The following ADARB2 variants were observed in gnomAD, a reference collection of about 807,000 sequenced individuals.
ADARB2 encodes the protein inactive double-stranded RNA-specific editase B2.
Under a neutral mutation model 62.2 loss-of-function variants are expected in ADARB2, and 25 were observed. The ratio of observed to expected loss-of-function variants is 0.40; its 90% CI spans 0.29 to 0.56. The LOEUF (loss-of-function observed/expected upper bound fraction) is 0.56. ADARB2 is among the 20% of genes least tolerant of loss of function. The pLI is 0.43. For synonymous variants in ADARB2, 572 were observed against 500.8 expected (o/e 1.14, Z -1.90); for missense variants, 1,071 against 1,077.4 (o/e 0.99, Z 0.08).
At chr10:1,358,959 G>T (rs146864933) in intron 3 of ADARB2, among the ~76,000 whole-genome samples, 71 of 152,304 alleles carry the variant, frequency 4.7e-4, no homozygotes, top group African/African-American at 1.5e-3. Context: ...AGTTTTCACA[G>T]AAAGAAAATG....
intron 3 of ADARB2, among the ~76,000 whole-genome samples, chr10:1,287,650 G>C (rs535501765): frequency 6.6e-6 from 1 of 152,334 alleles, no homozygotes; most frequent in South Asian, 2.1e-4. Context: ...TATATCAGCT[G>C]TTCCATTTAG....
In ADARB2 at chr10:1,256,975, C is replaced by T. The variant is rs183821792; in HGVS notation, c.1192+13980G>A. ...CCAGAAATAATGAGAGCATGAAGCC[C>T]GCGCTCATAAATAATTCATGGACTA... On this transcript the variant is annotated intron_variant, in intron 4 of 9. Transcript: ENST00000381312. Among the ~76,000 whole-genome samples the T allele has an allele frequency of 2.4e-3, 361 of 152,260 alleles. 1 individual carries two copies. The highest frequency in any genetic ancestry group is 0.01 in the Middle Eastern group (3 of 294).
intron 9 of ADARB2, 39 bp downstream of exon 9, chr10:1,184,822 G>C (rs1836728518): frequency 6.3e-7 from 1 of 1,594,288 alleles, no homozygotes; most frequent in Non-Finnish European, 8.6e-7. Context: ...CCAGGGTCTG[G>C]CTGGGTCCAG....
intron 1 of ADARB2, among the ~76,000 whole-genome samples, chr10:1,613,056 G>A (rs368306876): frequency 2.6e-5 from 4 of 152,194 alleles, no homozygotes; most frequent in Admixed American, 2.0e-4. Context: ...TCTAGTGGGC[G>A]TAACAGAGCT....
intron 1 of ADARB2, among the ~76,000 whole-genome samples, chr10:1,519,277 A>G (rs564337675): frequency 8.7e-5 from 13 of 148,992 alleles, no homozygotes; most frequent in Non-Finnish European, 1.8e-4. Flanking sequence ...GTGGTCATAC[A>G]CATGCATTCC....
intron 1 of ADARB2, among the ~76,000 whole-genome samples, chr10:1,591,677 ACG>A (rs887938534): frequency 4.0e-5 from 6 of 150,646 alleles, no homozygotes; most frequent in South Asian, 2.1e-4. Context: ...ACACACACAC[ACG>A]CACACACTCA....
At chr10:1,557,060 T>C (rs573135102) in intron 1 of ADARB2, 86 of 356,454 alleles carry the variant, frequency 2.4e-4, no homozygotes, top group African/African-American at 1.8e-3. Flanking sequence ...CTTGGAAACC[T>C]CAGTTTAAGC....
intron 5 of ADARB2, among the ~76,000 whole-genome samples, chr10:1,241,593 C>A (rs1025170856): frequency 6.6e-6 from 1 of 152,216 alleles, no homozygotes; most frequent in Non-Finnish European, 1.5e-5. Flanking sequence ...TAAAGTGTCT[C>A]AGGGACAGGA....
At chr10:1,623,548 G>A (rs1400307608) in intron 1 of ADARB2, among the ~76,000 whole-genome samples, 13 of 152,146 alleles carry the variant, frequency 8.5e-5, no homozygotes, top group African/African-American at 2.4e-4. Context: ...CATTGTCAGC[G>A]CCTACACCCG....
intron 3 of ADARB2, among the ~76,000 whole-genome samples, chr10:1,342,184 A>G (rs1191024052): frequency 1.3e-5 from 2 of 152,240 alleles, no homozygotes; most frequent in Non-Finnish European, 2.9e-5. Context: ...AGTCAAATCC[A>G]GCTTTTCATG....
intron 1 of ADARB2, among the ~76,000 whole-genome samples, chr10:1,688,776 T>TGAC (rs1303688451): frequency 6.6e-6 from 1 of 152,258 alleles, no homozygotes; most frequent in Non-Finnish European, 1.5e-5. Context: ...GACTCAACCC[T>TGAC]GACCCTGTCT....
At chr10:1,316,839 A>AT (rs932121317) in intron 3 of ADARB2, among the ~76,000 whole-genome samples, 3 of 152,174 alleles carry the variant, frequency 2.0e-5, no homozygotes, top group African/African-American at 7.2e-5. Context: ...AAAATGATAG[A>AT]TTTTCCCATT....
At chr10:1,500,151 C>T (rs925413204) in intron 1 of ADARB2, among the ~76,000 whole-genome samples, 4 of 152,202 alleles carry the variant, frequency 2.6e-5, no homozygotes, top group Non-Finnish European at 5.9e-5. Flanking sequence ...GGCCTGGGTC[C>T]CTGCTTCTGA....
intron 1 of ADARB2, among the ~76,000 whole-genome samples, chr10:1,418,411 C>T (rs1052652080): frequency 4.6e-5 from 7 of 152,172 alleles, no homozygotes; most frequent in Non-Finnish European, 8.8e-5. Flanking sequence ...GATCCCCTGC[C>T]GAGACGCCAC....
chr10:1,580,871 G>C (rs535291957), intron 1 of ADARB2, among the ~76,000 whole-genome samples: 1 of 152,334 alleles, frequency 6.6e-6, no homozygotes, highest in South Asian at 2.1e-4. Flanking sequence ...GTAGCAACGT[G>C]CACTTAAGAT....
At chr10:1,337,949 A>C (rs1484757587) in intron 3 of ADARB2, among the ~76,000 whole-genome samples, 1 of 152,194 alleles carries the variant, frequency 6.6e-6, no homozygotes, top group Non-Finnish European at 1.5e-5. Flanking sequence ...TGCTCTGCTG[A>C]AGTTGTGTTG....
Position 1,326,858 on chromosome 10 carries a change from TGCCCAGCGCCTCCCCACG to T in ADARB2, c.1077+36152_1077+36169del, listed in dbSNP as rs1564257908. 5.5e-3 allele frequency among the ~76,000 whole-genome samples: 64 copies of T among 11,720 alleles called. 3 individuals carry two copies. The highest frequency in any genetic ancestry group is 0.018 in the African/African-American group (59 of 3,324). The allele number at this position is 11,720 out of a possible 152,430, so 7.7% of individuals were successfully genotyped here. On this transcript the variant is annotated intron_variant, in intron 3 of 9. Coordinates refer to ENST00000381312, the MANE Select transcript of ADARB2 (RefSeq NM_018702.4). ...TCCCCACGGCCCAGCGCCTCCCCAC[TGCCCAGCGCCTCCCCACG>T]GCACAGCGCCTCCCCACTGCCCAGC...
chr10:1,651,723 C>T (rs1834113020), intron 1 of ADARB2, among the ~76,000 whole-genome samples: 1 of 152,060 alleles, frequency 6.6e-6, no homozygotes, highest in African/African-American at 2.4e-5. Flanking sequence ...GGCCTTACTG[C>T]CTGAGCGTGG....
chr10:1,582,045 G>C (rs145905104), intron 1 of ADARB2, among the ~76,000 whole-genome samples: 1 of 152,302 alleles, frequency 6.6e-6, no homozygotes, highest in East Asian at 1.9e-4. Context: ...CTTGAGGTCC[G>C]AGCAGACCTT....
Sources: allele counts gnomAD v4.1 joint callset (sites outside exome capture counted in the v4.1 genomes callset), GRCh38; gene constraint gnomAD v4.1.1; transcripts MANE v1.5; gene names NCBI Gene and HGNC (gene_info 2026-07-23, HGNC 2026-07-21).